Variants in PPP1R9A observed in about 807,000 individuals in gnomAD.
PPP1R9A encodes protein phosphatase 1 regulatory subunit 9A.
PPP1R9A carries 59 observed loss-of-function variants against 141.9 expected under a neutral mutation model. The observed-to-expected ratio is 0.42, with a 90% confidence interval of 0.34 to 0.52. The LOEUF is 0.52. PPP1R9A is among the 20% of genes least tolerant of loss of function. PPP1R9A has a pLI of 0.10. For missense variants in PPP1R9A, 1,444 were observed against 1,611.9 expected, an observed-to-expected ratio of 0.90 and a Z score of 1.78; for synonymous variants, 500 against 569.7, an observed-to-expected ratio of 0.88 and a Z score of 1.74.
chr7:95,238,336 G>A (rs367847383), intron 8 of PPP1R9A, among the ~76,000 whole-genome samples: 1 of 152,022 alleles, frequency 6.6e-6, no homozygotes, highest in Non-Finnish European at 1.5e-5. Context: ...TCTACCAAAG[G>A]CACCAAAGGA....
intron 2 of PPP1R9A, among the ~76,000 whole-genome samples, chr7:94,973,973 TC>T (rs1393167780): frequency 6.6e-6 from 1 of 152,138 alleles, no homozygotes; most frequent in East Asian, 1.9e-4. Context: ...CACTTCAGCC[TC>T]CCTAAGTGCT....
At position 94,968,015 on chromosome 7, in the gene PPP1R9A, A is replaced by T. The variant is rs182013547; in HGVS notation, c.1395+56507A>T. 2.7e-4 allele frequency among the ~76,000 whole-genome samples: 41 copies of T among 152,266 alleles called. No individual in the cohort carries two copies. The East Asian group carries it at 7.7e-3, about 29-fold the overall frequency. On this transcript the variant is annotated intron_variant, in intron 2 of 19. Coordinates refer to ENST00000433360, the MANE Select transcript of PPP1R9A (RefSeq NM_001166160.2). Reference sequence around the variant, plus strand: ...GTCAAATACTGACTGTGAAGTGTTCAAGTCTCCCACTATTATTGTGTGGGA... The same window carrying T: ...GTCAAATACTGACTGTGAAGTGTTCTAGTCTCCCACTATTATTGTGTGGGA...
In PPP1R9A at chr7:95,269,449, T is replaced by C. The variant is rs368331955; in HGVS notation, c.3066T>C (p.Asp1022=). The change falls in exon 14 of 20, where the codon GAT becomes GAC. Residue 1022 remains aspartate, a synonymous_variant. Coordinates refer to ENST00000433360, the MANE Select transcript of PPP1R9A (RefSeq NM_001166160.2). ...TTTCTACTTCAAAGTCTGATCATGA[T>C]GTGGAAGAATCTCCTTGCCATCACC... ...SLFSTSKSDH[D]VEESPCHHQT... 9.4e-6 allele frequency: 15 copies of C among 1,590,766 alleles called. No homozygotes were observed. In the African/African-American group the frequency reaches 2.0e-4, roughly 21 times the overall value.
intron 5 of PPP1R9A, among the ~76,000 whole-genome samples, chr7:95,175,256 TTGGATGGA>T (rs61519780): frequency 3.7e-4 from 55 of 146,714 alleles, no homozygotes; most frequent in South Asian, 2.4e-3. Context: ...CAATAACTAG[TTGGATGGA>T]TGGATGGATG....
chr7:94,949,720 G>T (rs189054503), intron 2 of PPP1R9A, among the ~76,000 whole-genome samples: 1 of 151,946 alleles, frequency 6.6e-6, no homozygotes, highest in Non-Finnish European at 1.5e-5. Flanking sequence ...GGGAGGGTGG[G>T]GTGGTGATGG....
chr7:95,193,606 G>C (rs919335877), intron 5 of PPP1R9A, among the ~76,000 whole-genome samples: 7 of 151,896 alleles, frequency 4.6e-5, no homozygotes, highest in Non-Finnish European at 8.8e-5. Flanking sequence ...TGGAATTAGG[G>C]ATCTTTTTTT....
chr7:95,100,844 ATTTTTTTTTTTTT>A (rs34210406), intron 2 of PPP1R9A, among the ~76,000 whole-genome samples: 4 of 70,164 alleles, frequency 5.7e-5, no homozygotes, highest in East Asian at 4.8e-4. Context: ...TCTTTGTCTG[ATTTTTTTTTTTTT>A]TTTTTTTTTT....
At chr7:95,139,628 C>T (rs571263890) in intron 4 of PPP1R9A, among the ~76,000 whole-genome samples, 1 of 152,118 alleles carries the variant, frequency 6.6e-6, no homozygotes. Flanking sequence ...AAGGTAGGGA[C>T]GCTGCTAATT....
At position 94,918,671 on chromosome 7, in the gene PPP1R9A, G is replaced by A. The variant is rs143099446; in HGVS notation, c.1395+7163G>A. Reference sequence around the variant, plus strand: ...AATTCCCCTTCCTTCTTCATCCTCTGGAAAGCAGTAATTGACTTGCTTTTT... The same window carrying A: ...AATTCCCCTTCCTTCTTCATCCTCTAGAAAGCAGTAATTGACTTGCTTTTT... On this transcript the variant is annotated intron_variant, in intron 2 of 19. Coordinates refer to ENST00000433360, the MANE Select transcript of PPP1R9A (RefSeq NM_001166160.2). Among the ~76,000 whole-genome samples, 978 of 152,040 alleles carry A rather than the reference G, an allele frequency of 6.4e-3. 12 individuals are homozygous for A. The highest frequency in any genetic ancestry group is 0.022 in the African/African-American group (933 of 41,476).
chr7:95,036,044 C>G (rs1405681136), intron 2 of PPP1R9A: 1 of 152,196 alleles, frequency 6.6e-6, no homozygotes, highest in Non-Finnish European at 1.5e-5. Context: ...CTTCGGCTCT[C>G]TTAATAAGAT....
intron 2 of PPP1R9A, among the ~76,000 whole-genome samples, chr7:95,025,688 C>G (rs1293443022): frequency 6.6e-6 from 1 of 151,508 alleles, no homozygotes; most frequent in Non-Finnish European, 1.5e-5. Flanking sequence ...GTTCCATTCC[C>G]CCTGTCACTT....
At chr7:95,157,441 G>A (rs1184025607) in intron 4 of PPP1R9A, among the ~76,000 whole-genome samples, 1 of 152,134 alleles carries the variant, frequency 6.6e-6, no homozygotes, top group Non-Finnish European at 1.5e-5. Flanking sequence ...AGGAGGCAGA[G>A]GCCCAGGTCT....
At chr7:95,080,428 T>C (rs1815624895) in intron 2 of PPP1R9A, among the ~76,000 whole-genome samples, 1 of 152,058 alleles carries the variant, frequency 6.6e-6, no homozygotes, top group South Asian at 2.1e-4. Flanking sequence ...CACTGCTCAG[T>C]GAAATAAAAG....
chr7:95,060,979 G>C (rs1411983214), intron 2 of PPP1R9A, among the ~76,000 whole-genome samples: 1 of 152,172 alleles, frequency 6.6e-6, no homozygotes, highest in East Asian at 1.9e-4. Flanking sequence ...AGGGGTAGAT[G>C]ACCCAGGAAA....
Position 95,161,882 on chromosome 7 carries a change from C to G in PPP1R9A, c.1665C>G (p.Asp555Glu). The G allele has an allele frequency of 6.2e-7, 1 of 1,607,490 alleles. No individual in the cohort carries two copies. Among genetic ancestry groups the G allele is most frequent in the Non-Finnish European group, 8.5e-7 (1 of 1,176,482 alleles). Residue 555 changes from aspartate (D) to glutamate (E), a missense_variant, in exon 5 of 20, where the codon GAC becomes GAG. Physicochemically the swap from Asp to Glu is conservative, Grantham distance 45. This residue lies in a region of PPP1R9A where 488 missense variants were observed against 542.0 expected (regional missense o/e 0.90). Coordinates refer to ENST00000433360, the MANE Select transcript of PPP1R9A (RefSeq NM_001166160.2). ...AQRDGRIQVN[D>E]QIVEVDGISL... ...CTTTCTAAAGAATACAAGTCAATGA[C>G]CAGATTGTGGAAGTGGATGGAATCA...
intron 2 of PPP1R9A, among the ~76,000 whole-genome samples, chr7:95,067,678 A>G (rs1053423523): frequency 5.3e-5 from 8 of 151,140 alleles, no homozygotes; most frequent in African/African-American, 2.0e-4. Context: ...AAATCCATGG[A>G]TGCTCAACTC....
chr7:94,978,567 T>A (rs1483292274), intron 2 of PPP1R9A, among the ~76,000 whole-genome samples: 1 of 152,212 alleles, frequency 6.6e-6, no homozygotes, highest in Non-Finnish European at 1.5e-5. Flanking sequence ...CTTTTTTCTA[T>A]CTTGATCTTT....
In PPP1R9A at chr7:95,140,980, A is replaced by C. The variant is rs190379155; in HGVS notation, c.1649+20148A>C. On this transcript the variant is annotated intron_variant, in intron 4 of 19. Coordinates refer to ENST00000433360, the MANE Select transcript of PPP1R9A (RefSeq NM_001166160.2). ...AGCAATCCGCCTGCCCTGCCCTCCC[A>C]AAGTGCTAGGATTACAGGCTTGAGC... Among the ~76,000 whole-genome samples the C allele has an allele frequency of 2.9e-3, 445 of 152,272 alleles. 3 individuals carry two copies. Among genetic ancestry groups the C allele is most frequent in the African/African-American group, 0.01 (419 of 41,574 alleles).
At chr7:95,071,002 A>G (rs1046903517) in intron 2 of PPP1R9A, among the ~76,000 whole-genome samples, 2 of 151,946 alleles carry the variant, frequency 1.3e-5, no homozygotes, top group African/African-American at 4.8e-5. Flanking sequence ...GGGGAAAAAG[A>G]GGAGACAGGG....
Sources: gnomAD v4.1 joint callset for allele counts (sites outside exome capture counted in the v4.1 genomes callset) on GRCh38, gnomAD v4.1.1 for gene constraint, gnomAD v4.1.1 regional missense constraint, MANE v1.5 for transcripts, NCBI Gene and HGNC (gene_info 2026-07-23, HGNC 2026-07-21) for gene names.